Variants in FBLN7 observed in about 807,000 individuals in gnomAD.
FBLN7 encodes the protein fibulin 7, also known as fibulin-7.
Under a neutral mutation model 44.0 loss-of-function variants are expected in FBLN7, and 31 were observed. That is an observed-to-expected ratio of 0.70 (90% confidence interval 0.53 to 0.95). The LOEUF (loss-of-function observed/expected upper bound fraction) is 0.95, where lower values mean the gene tolerates loss of function less well. Among genes scored for constraint, FBLN7 ranks in the 40% least tolerant of loss-of-function variants. The probability of loss-of-function intolerance (pLI) is 0.00; values close to 1 mark genes in which losing one functional copy is unlikely to be tolerated. For missense variants in FBLN7, 573 were observed against 618.5 expected, an observed-to-expected ratio of 0.93 and a Z score of 0.78; for synonymous variants, 262 against 253.4, an observed-to-expected ratio of 1.03 and a Z score of -0.32.
chr2:112,187,073 A>C lies in FBLN7; in HGVS notation c.948-61A>C. 1 of 1,573,258 alleles carries C rather than the reference A, an allele frequency of 6.4e-7. No homozygotes were observed. The highest frequency in any genetic ancestry group is 1.7e-4 in the Middle Eastern group (1 of 5,874). On this transcript the variant is annotated intron_variant, in intron 7 of 7. Transcript: ENST00000331203. The surrounding 1 kb of genome is among the most constrained non-coding windows in gnomAD (Gnocchi z 5.1). ...AAGAGGGCAGGTGGGCAGCCGGGTC[A>C]GAGCAGCTCTTCATGAGACTCCCCA...
chr2:112,156,776 A>G (rs530384992), intron 1 of FBLN7, among the ~76,000 whole-genome samples: 132 of 152,344 alleles, frequency 8.7e-4, no homozygotes, highest in Non-Finnish European at 1.6e-3. Context: ...AACGAATTCC[A>G]GGGGCAACTG....
the FBLN7 span, among the ~76,000 whole-genome samples, chr2:112,219,234 T>C: frequency 6.6e-6 from 1 of 152,108 alleles, no homozygotes; most frequent in Non-Finnish European, 1.5e-5. Flanking sequence ...GCATAAAAGA[T>C]AGACATATAG....
At chr2:112,156,877 C>G (rs1051711038) in intron 1 of FBLN7, among the ~76,000 whole-genome samples, 2 of 152,084 alleles carry the variant, frequency 1.3e-5, no homozygotes, top group Non-Finnish European at 2.9e-5. Context: ...CTGGCAGCCT[C>G]CCTGGGAGAG....
chr2:112,150,552 A>G (rs1333480499), intron 1 of FBLN7, among the ~76,000 whole-genome samples: 1 of 152,146 alleles, frequency 6.6e-6, no homozygotes, highest in Non-Finnish European at 1.5e-5. Flanking sequence ...TCATTCCACA[A>G]CTATGTCCTG....
chr2:112,169,447 C>G (rs1682337661), intron 3 of FBLN7, among the ~76,000 whole-genome samples: 1 of 152,160 alleles, frequency 6.6e-6, no homozygotes, highest in South Asian at 2.1e-4. Flanking sequence ...GTAAAGCTTT[C>G]TGAATTGGTA....
chr2:112,160,824 G>C (rs1310160366), intron 2 of FBLN7, among the ~76,000 whole-genome samples: 1 of 137,710 alleles, frequency 7.3e-6, no homozygotes, highest in South Asian at 2.4e-4. Flanking sequence ...GCACACACAA[G>C]CACGCATACA....
At chr2:112,209,253 T>C in the FBLN7 span, among the ~76,000 whole-genome samples, 1 of 152,198 alleles carries the variant, frequency 6.6e-6, no homozygotes. Context: ...CTTTTTCTGC[T>C]GAAACAGGCT....
chr2:112,218,843 A>G, the FBLN7 span, among the ~76,000 whole-genome samples: 1 of 152,136 alleles, frequency 6.6e-6, no homozygotes, highest in Non-Finnish European at 1.5e-5. Context: ...GGGGTCAGTA[A>G]CCCTAACTCC....
In FBLN7 at chr2:112,138,673, G is replaced by C; in HGVS notation, c.18G>C (p.Pro6=). 6.2e-7 allele frequency: 1 copy of C among 1,613,706 alleles called. No homozygotes were observed. The highest frequency in any genetic ancestry group is 8.5e-7 in the Non-Finnish European group (1 of 1,179,856). ...CTGGCAAGATGGTGCCCAGCTCTCC[G>C]CGCGCGCTCTTCCTTCTGCTCCTGA... The part of the protein sequence containing the change: MVPSS[P]RALFLLLLIL... Residue 6 remains proline (P), a synonymous_variant, in exon 1 of 8, where the codon CCG becomes CCC. Transcript: ENST00000331203.
At chr2:112,234,304 A>G in the FBLN7 span, 1 of 1,249,982 alleles carries the variant, frequency 8.0e-7, no homozygotes, top group Non-Finnish European at 1.1e-6. Context: ...TCTGTTGCAC[A>G]AAATTATTTA....
intron 1 of FBLN7, among the ~76,000 whole-genome samples, chr2:112,143,645 A>G (rs1353583800): frequency 6.6e-6 from 1 of 152,188 alleles, no homozygotes; most frequent in East Asian, 1.9e-4. Flanking sequence ...AAACTACATC[A>G]TGCTGCTCTT....
intron 1 of FBLN7, among the ~76,000 whole-genome samples, chr2:112,140,248 C>T (rs1250664032): frequency 1.4e-4 from 19 of 134,526 alleles, no homozygotes; most frequent in East Asian, 2.3e-4. Context: ...CCTCTCTCCA[C>T]GCCAGTGTCC....
At chr2:112,158,921 G>C (rs915851413) in intron 1 of FBLN7, among the ~76,000 whole-genome samples, 3 of 152,116 alleles carry the variant, frequency 2.0e-5, no homozygotes, top group African/African-American at 7.2e-5. Flanking sequence ...TGGCACCTCC[G>C]GGGAGTGGCC....
the FBLN7 span, chr2:112,215,773 A>G: frequency 6.6e-6 from 1 of 152,338 alleles, no homozygotes; most frequent in African/African-American, 2.4e-5. Flanking sequence ...TGTAACTCAC[A>G]CAAGTGTATA....
intron 6 of FBLN7, among the ~76,000 whole-genome samples, chr2:112,184,200 C>A (rs1424817708): frequency 6.6e-6 from 1 of 152,140 alleles, no homozygotes; most frequent in Non-Finnish European, 1.5e-5. Flanking sequence ...AGCTGGACTT[C>A]CCCCATGGAA....
Position 112,159,681 on chromosome 2 carries a change from T to G in FBLN7, c.81T>G (p.Cys27Trp). The stretch of plus-strand genomic sequence containing the variant: ...GCGATGTCTTCTCTCCGCAGAACTG[T>G]CTCAGCAAACAGCAGCTCCTCTCGG... The part of the protein sequence containing the change: ...ACPEPRASQN[C>W]LSKQQLLSAI... The change falls in exon 2 of 8, where the codon TGT becomes TGG. Residue 27 changes from cysteine (C) to tryptophan (W), a missense_variant. Coordinates refer to ENST00000331203, the MANE Select transcript of FBLN7 (RefSeq NM_153214.3). 1 of 1,557,016 alleles carries G rather than the reference T, an allele frequency of 6.4e-7. No individual in the cohort carries two copies. Among genetic ancestry groups the G allele is most frequent in the Non-Finnish European group, 8.7e-7 (1 of 1,148,250 alleles).
At position 112,187,532 on chromosome 2, in the gene FBLN7, G is replaced by A. The variant is rs1683332351; in HGVS notation, c.*26G>A. On this transcript the variant is annotated 3_prime_UTR_variant, in exon 8 of 8. Coordinates refer to ENST00000331203, the MANE Select transcript of FBLN7 (RefSeq NM_153214.3). The surrounding 1 kb of genome is among the most constrained non-coding windows in gnomAD (Gnocchi z 5.1). ...GGGTACACAGGGGCACTGGGGTGTG[G>A]AGAGCTGACCTCATTTCTCTTCCCC... The A allele has an allele frequency of 6.2e-7, 1 of 1,608,592 alleles. No homozygotes were observed. The highest frequency in any genetic ancestry group is 1.7e-5 in the Admixed American group (1 of 59,800).
chr2:112,228,993 G>A, the FBLN7 span, among the ~76,000 whole-genome samples: 6 of 152,178 alleles, frequency 3.9e-5, no homozygotes, highest in African/African-American at 1.4e-4. Flanking sequence ...CAACTACAGT[G>A]AGATACAGCA....
chr2:112,148,196 C>T (rs118115118), intron 1 of FBLN7, among the ~76,000 whole-genome samples: 10 of 152,248 alleles, frequency 6.6e-5, no homozygotes, highest in East Asian at 3.9e-4. Flanking sequence ...GCTGCCGATT[C>T]GGATTGATTG....
Sources: allele counts gnomAD v4.1 joint callset (sites outside exome capture counted in the v4.1 genomes callset), GRCh38; gene constraint gnomAD v4.1.1; non-coding constraint Gnocchi (gnomAD v3.1); transcripts MANE v1.5; gene names NCBI Gene and HGNC (gene_info 2026-07-23, HGNC 2026-07-21).